The following PTPRD variants were observed in gnomAD, a reference collection of about 807,000 sequenced individuals.
PTPRD encodes receptor-type tyrosine-protein phosphatase delta.
PTPRD carries 34 observed loss-of-function variants against 214.5 expected under a neutral mutation model. The observed-to-expected ratio is 0.16, with a 90% confidence interval of 0.12 to 0.21. The LOEUF (loss-of-function observed/expected upper bound fraction) is 0.21, where lower values mean the gene tolerates loss of function less well. Among genes scored for constraint, PTPRD ranks in the 10% least tolerant of loss-of-function variants. The probability of loss-of-function intolerance (pLI) is 1.00; values close to 1 mark genes in which losing one functional copy is unlikely to be tolerated. For missense variants in PTPRD, 2,545 were observed against 2,398.7 expected, an observed-to-expected ratio of 1.06 and a Z score of -1.27; for synonymous variants, 1,128 against 845.7, an observed-to-expected ratio of 1.33 and a Z score of -5.79.
intron 3 of PTPRD, among the ~76,000 whole-genome samples, chr9:10,091,310 T>G (rs1390567130): frequency 6.6e-6 from 1 of 151,526 alleles, no homozygotes; most frequent in African/African-American, 2.4e-5. Context: ...GGAGAATTAT[T>G]TGAAAATGTA....
intron 14 of PTPRD, among the ~76,000 whole-genome samples, chr9:8,607,572 G>A (rs2095277783): frequency 6.6e-6 from 1 of 152,168 alleles, no homozygotes. Context: ...GAGCCCGGGA[G>A]GGAGAAGTTG....
intron 9 of PTPRD, among the ~76,000 whole-genome samples, chr9:9,285,599 T>G (rs1402430804): frequency 1.3e-5 from 2 of 151,806 alleles, no homozygotes; most frequent in Non-Finnish European, 2.9e-5. Flanking sequence ...CTCATCTCTT[T>G]CTAAAGCACT....
At chr9:8,460,696 T>A in intron 32 of PTPRD, 125 bp from the exon 33 acceptor site, 1 of 899,480 alleles carries the variant, frequency 1.1e-6, no homozygotes, top group Non-Finnish European at 1.6e-6. Flanking sequence ...GATGCAATAT[T>A]AGCAAAACAG....
intron 9 of PTPRD, among the ~76,000 whole-genome samples, chr9:9,328,278 A>G (rs2040830204): frequency 6.6e-6 from 1 of 152,186 alleles, no homozygotes; most frequent in Non-Finnish European, 1.5e-5. Context: ...AAATAGTGGC[A>G]TGTAGGACCA....
intron 26 of PTPRD, among the ~76,000 whole-genome samples, chr9:8,496,198 ACAC>A (rs1563827495): frequency 1.4e-5 from 2 of 146,724 alleles, no homozygotes; most frequent in African/African-American, 2.5e-5. Flanking sequence ...ACACACACAC[ACAC>A]ACACACACAA....
At chr9:9,028,956 GAGCTGCGTTGTCCAATAT>G (rs1301714142) in intron 10 of PTPRD, among the ~76,000 whole-genome samples, 1 of 151,876 alleles carries the variant, frequency 6.6e-6, no homozygotes, top group Non-Finnish European at 1.5e-5. Context: ...GTATTTTGTA[GAGCTGCGTTGTCCAATAT>G]GGTAGCCACT....
chr9:9,441,689 G>C (rs1205962621), intron 8 of PTPRD, among the ~76,000 whole-genome samples: 1 of 151,856 alleles, frequency 6.6e-6, no homozygotes, highest in Non-Finnish European at 1.5e-5. Context: ...GAATAATTTA[G>C]AGTTAAAACC....
chr9:10,173,559 T>C (rs2099225629), intron 3 of PTPRD, among the ~76,000 whole-genome samples: 1 of 152,272 alleles, frequency 6.6e-6, no homozygotes, highest in Middle Eastern at 3.4e-3. Flanking sequence ...GTTATTTACA[T>C]AGGAATATTC....
chr9:9,580,397 C>G (rs547305463), intron 7 of PTPRD, among the ~76,000 whole-genome samples: 285 of 152,036 alleles, frequency 1.9e-3, no homozygotes, highest in African/African-American at 6.7e-3. Context: ...AATAGCCATT[C>G]TGATTGATGT....
chr9:8,796,755 A>G (rs563826862), intron 11 of PTPRD, among the ~76,000 whole-genome samples: 2 of 152,268 alleles, frequency 1.3e-5, no homozygotes, highest in East Asian at 3.9e-4. Flanking sequence ...TGAGAAATTC[A>G]AATTTCCTTA....
rs546043727 is a variant in PTPRD, at chr9:9,362,543, A to C, written c.-203+34906T>G. Among the ~76,000 whole-genome samples, 52 of 151,198 alleles carry C rather than the reference A, an allele frequency of 3.4e-4. 1 individual carries two copies. The highest frequency in any genetic ancestry group is 1.2e-3 in the African/African-American group (51 of 41,420). ...AACATTGTCAGAAAAACATCAACTA[A>C]TGTGTCTTGTATAACTTCATTTCTA... On this transcript the variant is annotated intron_variant, in intron 9 of 45. Coordinates refer to ENST00000381196, the MANE Select transcript of PTPRD (RefSeq NM_002839.4).
At chr9:9,981,331 A>C (rs1019186405) in intron 4 of PTPRD, among the ~76,000 whole-genome samples, 1 of 150,980 alleles carries the variant, frequency 6.6e-6, no homozygotes, top group African/African-American at 2.4e-5. Context: ...AGGTAAATTT[A>C]AAACATATAC....
At chr9:9,313,421 A>G (rs1040573102) in intron 9 of PTPRD, among the ~76,000 whole-genome samples, 1 of 152,202 alleles carries the variant, frequency 6.6e-6, no homozygotes, top group Non-Finnish European at 1.5e-5. Context: ...CTGGAAATAA[A>G]GAATTAGCGT....
chr9:9,247,682 T>C (rs2099973684), intron 9 of PTPRD, among the ~76,000 whole-genome samples: 1 of 152,102 alleles, frequency 6.6e-6, no homozygotes, highest in African/African-American at 2.4e-5. Flanking sequence ...GGATGTTTTC[T>C]GATCTCCAGC....
intron 43 of PTPRD, among the ~76,000 whole-genome samples, chr9:8,331,959 A>AATTTATTTACTCTT (rs1554705065): frequency 1.3e-5 from 2 of 150,572 alleles, no homozygotes; most frequent in Non-Finnish European, 2.9e-5. Flanking sequence ...TGAAATCCTA[A>AATTTATTTACTCTT]ATTTATTTAC....
intron 5 of PTPRD, among the ~76,000 whole-genome samples, chr9:9,829,750 T>C (rs771052904): frequency 4.6e-5 from 7 of 151,866 alleles, no homozygotes; most frequent in Non-Finnish European, 4.4e-5. Flanking sequence ...AAAGGAAATC[T>C]GGCAGACAAT....
chr9:8,407,041 T>A (rs1441821471), intron 35 of PTPRD, among the ~76,000 whole-genome samples: 3 of 152,218 alleles, frequency 2.0e-5, no homozygotes, highest in Non-Finnish European at 4.4e-5. Context: ...TGAAACAAAC[T>A]GTTAACTCAT....
intron 11 of PTPRD, among the ~76,000 whole-genome samples, chr9:8,968,943 G>C (rs1452992300): frequency 6.6e-6 from 1 of 152,002 alleles, no homozygotes. Flanking sequence ...GCTTGGTAGA[G>C]AAAATTTAAT....
chr9:8,880,675 G>A (rs1428871114), intron 11 of PTPRD, among the ~76,000 whole-genome samples: 2 of 152,064 alleles, frequency 1.3e-5, no homozygotes, highest in African/African-American at 4.8e-5. Context: ...GCATGAGCAA[G>A]AAGCGATTAT....
Sources: gnomAD v4.1 joint callset for allele counts (sites outside exome capture counted in the v4.1 genomes callset) on GRCh38, gnomAD v4.1.1 for gene constraint, MANE v1.5 for transcripts, NCBI Gene and HGNC (gene_info 2026-07-23, HGNC 2026-07-21) for gene names.